MZF1: variants seen among roughly 807,000 people sequenced by gnomAD.
MZF1 encodes myeloid zinc finger 1, also known as zinc finger and SCAN domain-containing protein 6.
Under a neutral mutation model 28.6 loss-of-function variants are expected in MZF1, and 24 were observed. That is an observed-to-expected ratio of 0.84 (90% CI 0.61 to 1.18). The LOEUF is 1.18. Among genes scored for constraint, MZF1 ranks in the 50% most tolerant of loss-of-function variants. The probability of loss-of-function intolerance (pLI) is 0.00; values close to 1 mark genes in which losing one functional copy is unlikely to be tolerated. For missense variants in MZF1, 1,166 were observed against 1,026.4 expected, an observed-to-expected ratio of 1.14 and a Z score of -1.86; for synonymous variants, 516 against 432.5, an observed-to-expected ratio of 1.19 and a Z score of -2.40.
intron 3 of MZF1, chr19:58,570,107 G>C (rs535520994): frequency 4.3e-6 from 2 of 463,882 alleles, no homozygotes; most frequent in African/African-American, 2.0e-5. Context: ...CCTGCTCCAT[G>C]CCATGGGGTT....
chr19:58,572,480 T>C (rs1315460759), intron 1 of MZF1: 2 of 1,187,058 alleles, frequency 1.7e-6, no homozygotes, highest in Non-Finnish European at 2.2e-6. Context: ...GTCCCGAGAC[T>C]CTGATTCCGC....
chr19:58,562,988 T>C lies in MZF1; in HGVS notation c.1289A>G (p.His430Arg), dbSNP rs1338695255. ...CTGTTCGCCCGTGTGCACTCTCCGA[T>C]GCTCTTCCAGGCGCGCGCTGCGCAC... ...GFVRSARLEEHRRVHTGEQPF... is the reference protein window; with the variant it reads ...GFVRSARLEERRRVHTGEQPF... The change falls in exon 6 of 6, where the codon CAT becomes CGT. Residue 430 changes from histidine (H) to arginine (R), a missense_variant. His to Arg is a conservative substitution (Grantham distance 29). Transcript: ENST00000215057. The C allele has an allele frequency of 6.2e-7, 1 of 1,602,098 alleles. No individual in the cohort carries two copies. Among genetic ancestry groups the C allele is most frequent in the Non-Finnish European group, 8.5e-7 (1 of 1,179,706 alleles).
intron 2 of MZF1, 43 bp downstream of exon 2, chr19:58,570,951 A>T (rs1354763728): frequency 3.9e-6 from 6 of 1,551,602 alleles, no homozygotes; most frequent in Non-Finnish European, 5.2e-6. Context: ...GCCGAGCTGG[A>T]TGATGCTCCA....
chr19:58,572,718 C>G, intron 1 of MZF1: 1 of 971,508 alleles, frequency 1.0e-6, no homozygotes, highest in Non-Finnish European at 1.4e-6. Flanking sequence ...CAACCTGAAA[C>G]CCTGGGAGAG....
chr19:58,562,969 G>T lies in MZF1; in HGVS notation c.1308C>A (p.Gly436=). 1 of 1,601,284 alleles carries T rather than the reference G, an allele frequency of 6.2e-7. No individual in the cohort carries two copies. The highest frequency in any genetic ancestry group is 8.5e-7 in the Non-Finnish European group (1 of 1,179,182). The stretch of plus-strand genomic sequence containing the variant: ...ACTCAGCGCAACGGAAAGGCTGTTC[G>T]CCCGTGTGCACTCTCCGATGCTCTT... ...RLEEHRRVHT[G]EQPFRCAECG... The change falls in exon 6 of 6, where the codon GGC becomes GGA. Residue 436 remains glycine, a synonymous_variant. Transcript: ENST00000215057.
At chr19:58,565,545 G>A (rs77101457) in intron 5 of MZF1, among the ~76,000 whole-genome samples, 19,492 of 150,640 alleles carry the variant, frequency 0.13, 2,316 homozygotes, top group African/African-American at 0.31. Context: ...GTGTGTGTGC[G>A]CACTTGAGAC....
At chr19:58,570,107 G>T in intron 3 of MZF1, 2 of 463,882 alleles carry the variant, frequency 4.3e-6, no homozygotes, top group Non-Finnish European at 7.7e-6. Context: ...CCTGCTCCAT[G>T]CCATGGGGTT....
At position 58,563,408 on chromosome 19, in the gene MZF1, C is replaced by G. The variant is rs144933302; in HGVS notation, c.869G>C (p.Gly290Ala). ...TTCGCGGGAGGGTGATTGGATCTGG[C>G]CAGAAAGGCCAGCCATGCCGAGGTC... is the stretch of plus-strand genomic sequence containing the variant. ...PWDLGMAGLS[G>A]QIQSPSREGG... The change falls in exon 6 of 6, where the codon GGC (glycine) becomes GCC (alanine). Residue 290 changes from glycine to alanine, a missense_variant. Physicochemically the swap from Gly to Ala is moderately conservative, Grantham distance 60. Coordinates refer to ENST00000215057, the MANE Select transcript of MZF1 (RefSeq NM_198055.2). The G allele has an allele frequency of 5.0e-6, 8 of 1,594,616 alleles. No homozygotes were observed.
rs1167936333 is a variant in MZF1, at chr19:58,572,569, C to T, written c.-41+486G>A. Reference sequence around the variant, plus strand: ...GCTGACCTCCCTCCTCGCGCTGTTCCTTCTGCAGCTGCGGCTTTAGGAAGG... The same window carrying T: ...GCTGACCTCCCTCCTCGCGCTGTTCTTTCTGCAGCTGCGGCTTTAGGAAGG... On this transcript the variant is annotated intron_variant, in intron 1 of 5. Transcript: ENST00000215057. 13 of 1,289,726 alleles carry T rather than the reference C, an allele frequency of 1.0e-5. No homozygotes were observed. The East Asian group carries it at 1.7e-4, about 17-fold the overall frequency. 79.9% of individuals were successfully genotyped at this position (1,289,726 alleles called of 1,614,324 possible). A position where few individuals can be genotyped will look rare whatever the true frequency, so the allele number is the denominator to read the frequency against.
At chr19:58,572,728 G>T (rs1600111968) in intron 1 of MZF1, 2 of 868,540 alleles carry the variant, frequency 2.3e-6, no homozygotes, top group African/African-American at 1.7e-5. Flanking sequence ...CCCTGGGAGA[G>T]ACTTGGGTCA....
Position 58,561,980 on chromosome 19 carries a change from G to A in MZF1, c.*92C>T. ...ACCTACAGTAGCCAAGCCCTGGGCG[G>A]ACCTGCTTATACTTATGTAATCGCC... On this transcript the variant is annotated 3_prime_UTR_variant, in exon 6 of 6. Coordinates refer to ENST00000215057, the MANE Select transcript of MZF1 (RefSeq NM_198055.2). 1 of 1,335,350 alleles carries A rather than the reference G, an allele frequency of 7.5e-7. No homozygotes were observed. Among genetic ancestry groups the A allele is most frequent in the East Asian group, 2.5e-5 (1 of 39,810 alleles). 82.7% of individuals were successfully genotyped at this position (1,335,350 alleles called of 1,614,324 possible).
chr19:58,570,475 G>A lies in MZF1; in HGVS notation c.449C>T (p.Ser150Phe). 1 of 1,613,876 alleles carries A rather than the reference G, an allele frequency of 6.2e-7. No homozygotes were observed. Among genetic ancestry groups the A allele is most frequent in the Middle Eastern group, 1.7e-4 (1 of 6,054 alleles). The change falls in exon 3 of 6, where the codon TCC becomes TTC. Residue 150 changes from serine (S) to phenylalanine (F), a missense_variant. Transcript: ENST00000215057. ...QEVLSEKMEP[S>F]SFQPLPETEP... ...AGTTTCAGGTAGGGGCTGGAAACTG[G>A]AGGGCTCCATCTTCTCTGATAGGAC...
Position 58,562,586 on chromosome 19 carries a change from G to T in MZF1, c.1691C>A (p.Thr564Asn). The change falls in exon 6 of 6, where the codon ACC becomes AAC. Residue 564 changes from threonine to asparagine, a missense_variant. Thr to Asn is a moderately conservative substitution (Grantham distance 65). Transcript: ENST00000215057. ...GGCGCAGGCGAAGGGCCGCTCCCCGGTGTGGATGCGCCGGTGCTGCGTCAG... is the reference window on the plus strand; with the variant it reads ...GGCGCAGGCGAAGGGCCGCTCCCCGTTGTGGATGCGCCGGTGCTGCGTCAG... ...SNLTQHRRIH[T>N]GERPFACAEC... is the part of the protein sequence containing the mutation. 6.3e-7 allele frequency: 1 copy of T among 1,589,876 alleles called. No homozygotes were observed. Among genetic ancestry groups the T allele is most frequent in the Non-Finnish European group, 8.5e-7 (1 of 1,171,166 alleles).
At chr19:58,568,661 C>A in intron 5 of MZF1, 1 of 152,318 alleles carries the variant, frequency 6.6e-6, no homozygotes, top group East Asian at 1.9e-4. Context: ...CACCAGAACA[C>A]CCACAAAGCT....
chr19:58,571,602 C>A, intron 1 of MZF1, 173 bp from the exon 2 acceptor site: 1 of 613,910 alleles, frequency 1.6e-6, no homozygotes, highest in Non-Finnish European at 2.8e-6. Context: ...GAAGCCCTCC[C>A]TTAGCCACCT....
Position 58,569,621 on chromosome 19 carries a change from G to C in MZF1, c.581-35C>G, listed in dbSNP as rs564018534. 28 of 1,531,050 alleles carry C rather than the reference G, an allele frequency of 1.8e-5. No individual in the cohort carries two copies. The Admixed American group carries it at 3.9e-4, about 22-fold the overall frequency. 94.8% of individuals were successfully genotyped at this position (1,531,050 alleles called of 1,614,324 possible). A position where few individuals can be genotyped will look rare whatever the true frequency, so the allele number is the denominator to read the frequency against. On this transcript the variant is annotated intron_variant, in intron 3 of 5. Coordinates refer to ENST00000215057, the MANE Select transcript of MZF1 (RefSeq NM_198055.2). The stretch of plus-strand genomic sequence containing the variant: ...AAAACTGGTATCAGGCAGCCTGAGT[G>C]AGTTTCCACCCCACTGCCCTTCTTA...
At position 58,571,259 on chromosome 19, in the gene MZF1, C is replaced by T. The variant is rs751205786; in HGVS notation, c.131G>A (p.Arg44His). 1.2e-5 allele frequency: 19 copies of T among 1,613,042 alleles called. No homozygotes were observed. The highest frequency in any genetic ancestry group is 8.9e-5 in the East Asian group (4 of 44,872). The change falls in exon 2 of 6, where the codon CGC (arginine) becomes CAC (histidine). Residue 44 changes from arginine to histidine, a missense_variant. Physicochemically the swap from Arg to His is conservative, Grantham distance 29. Coordinates refer to ENST00000215057, the MANE Select transcript of MZF1 (RefSeq NM_198055.2). ...ALWDPGPEAA[R>H]LRFRCFRYEE... Reference sequence around the variant, plus strand: ...ATAGCGGAAGCACCGGAAACGCAGGCGTGCAGCTTCAGGGCCTGGGTCCCA... The same window carrying T: ...ATAGCGGAAGCACCGGAAACGCAGGTGTGCAGCTTCAGGGCCTGGGTCCCA...
At chr19:58,567,423 T>C (rs1343453124) in intron 5 of MZF1, among the ~76,000 whole-genome samples, 1 of 152,214 alleles carries the variant, frequency 6.6e-6, no homozygotes, top group African/African-American at 2.4e-5. Flanking sequence ...CAGAAGGCTA[T>C]GTTAAGGGTG....
rs1449521483 is a variant in MZF1 at position 58,561,961 on chromosome 19, A to G, written c.*111T>C. On this transcript the variant is annotated 3_prime_UTR_variant, in exon 6 of 6. Coordinates refer to ENST00000215057, the MANE Select transcript of MZF1 (RefSeq NM_198055.2). ...CATCTACTGTTTATTGGACACCTAC[A>G]GTAGCCAAGCCCTGGGCGGACCTGC... 3.5e-6 allele frequency: 4 copies of G among 1,143,528 alleles called. No homozygotes were observed. The highest frequency in any genetic ancestry group is 1.5e-5 in the African/African-American group (1 of 64,578). 70.8% of individuals were successfully genotyped at this position (1,143,528 alleles called of 1,614,324 possible).
Sources: allele counts gnomAD v4.1 joint callset (sites outside exome capture counted in the v4.1 genomes callset), GRCh38; gene constraint gnomAD v4.1.1; transcripts MANE v1.5; gene names NCBI Gene and HGNC (gene_info 2026-07-23, HGNC 2026-07-21).